CYP4Z1: variants seen among roughly 807,000 people sequenced by gnomAD.
The protein encoded by CYP4Z1 is cytochrome P450 4Z1.
A neutral mutation model predicts 54.2 loss-of-function variants in CYP4Z1; 41 were observed. The ratio of observed to expected loss-of-function variants is 0.76; its 90% CI spans 0.59 to 0.98. CYP4Z1 has a LOEUF of 0.98. CYP4Z1 is among the 50% of genes least tolerant of loss of function. CYP4Z1 has a pLI of 0.00. For missense variants in CYP4Z1, 513 were observed against 599.0 expected, an observed-to-expected ratio of 0.86 and a Z score of 1.50; for synonymous variants, 163 against 206.2, an observed-to-expected ratio of 0.79 and a Z score of 1.79.
In CYP4Z1 at chr1:47,115,603, T is replaced by A. The variant is rs1284651968; in HGVS notation, c.1266+10T>A. 1 of 1,612,556 alleles carries A rather than the reference T, an allele frequency of 6.2e-7. No individual in the cohort carries two copies. Among genetic ancestry groups the A allele is most frequent in the Non-Finnish European group, 8.5e-7 (1 of 1,179,080 alleles). The stretch of plus-strand genomic sequence containing the variant: ...CTGGGAAGACCCTCAGGTATGATTG[T>A]CCCAACTGCACCCAGTGGCATCTAA... On this transcript the variant is annotated intron_variant, in intron 10 of 11. Transcript: ENST00000334194.
At chr1:47,058,160 C>T in the CYP4Z1 span, among the ~76,000 whole-genome samples, 1 of 152,082 alleles carries the variant, frequency 6.6e-6, no homozygotes, top group Non-Finnish European at 1.5e-5. Flanking sequence ...TATTTTCTCT[C>T]TATGAAATAA....
chr1:47,104,514 G>A (rs566781469), intron 8 of CYP4Z1, among the ~76,000 whole-genome samples: 22 of 152,292 alleles, frequency 1.4e-4, no homozygotes, highest in Non-Finnish European at 3.1e-4. Flanking sequence ...CAGGCATGTC[G>A]GACAACCTGC....
intron 9 of CYP4Z1, among the ~76,000 whole-genome samples, chr1:47,106,638 G>A (rs911540178): frequency 6.6e-6 from 1 of 152,116 alleles, no homozygotes; most frequent in Non-Finnish European, 1.5e-5. Context: ...CTTCCCTCAC[G>A]CACACCGGCA....
intron 9 of CYP4Z1, among the ~76,000 whole-genome samples, chr1:47,110,693 A>G (rs991317757): frequency 6.6e-6 from 1 of 152,024 alleles, no homozygotes; most frequent in African/African-American, 2.4e-5. Flanking sequence ...TCTTGGTGAG[A>G]CTTCCAGAAA....
chr1:47,114,562 C>G (rs61165610), intron 9 of CYP4Z1, among the ~76,000 whole-genome samples: 1 of 152,034 alleles, frequency 6.6e-6, no homozygotes, highest in Non-Finnish European at 1.5e-5. Context: ...AAAGGGCTAA[C>G]ATCCAGAATC....
rs562450524 is a variant in CYP4Z1 at position 47,092,570 on chromosome 1, A to G, written c.773-1996A>G. Among the ~76,000 whole-genome samples, 8 of 151,724 alleles carry G rather than the reference A, an allele frequency of 5.3e-5. No homozygotes were observed. The East Asian group carries it at 1.4e-3, about 26-fold the overall frequency. On this transcript the variant is annotated intron_variant, in intron 6 of 11. Transcript: ENST00000334194. ...CATATTAAAAAGTGCTTCCTTTTCC[A>G]TTTATCTTCTGAGTTATTGGGGTTG... is the stretch of plus-strand genomic sequence containing the variant.
chr1:47,118,010 A>C lies in CYP4Z1; in HGVS notation c.*76A>C. 4 of 1,407,632 alleles carry C rather than the reference A, an allele frequency of 2.8e-6. No homozygotes were observed. The highest frequency in any genetic ancestry group is 3.9e-6 in the Non-Finnish European group (4 of 1,029,972). 87.2% of individuals were successfully genotyped at this position (1,407,632 alleles called of 1,614,324 possible). On this transcript the variant is annotated 3_prime_UTR_variant, in exon 12 of 12. Transcript: ENST00000334194. ...AAGAACAAAAGGATAAATATAATAC[A>C]AAATATATGTATATGGTTGTTTGAC...
At chr1:47,068,354 T>C (rs1489532199) in intron 1 of CYP4Z1, among the ~76,000 whole-genome samples, 1 of 152,234 alleles carries the variant, frequency 6.6e-6, no homozygotes, top group Non-Finnish European at 1.5e-5. Flanking sequence ...AGTGTCAGAT[T>C]GGGATTTGAA....
intron 8 of CYP4Z1, 23 bp from the exon 9 acceptor site, chr1:47,106,105 T>C: frequency 6.2e-7 from 1 of 1,602,070 alleles, no homozygotes; most frequent in South Asian, 1.1e-5. Context: ...CTCCTTTTCC[T>C]TTCCTCCTGT....
chr1:47,084,856 A>G lies in CYP4Z1; in HGVS notation c.650A>G (p.Asn217Ser), dbSNP rs1644580205. Residue 217 changes from asparagine (N) to serine (S), a missense_variant, in exon 6 of 12, where the codon AAC becomes AGC. Transcript: ENST00000334194. ...TLDSYLKAVF[N>S]LSKISNQRMN... ...GACTCATACCTGAAAGCAGTGTTCA[A>G]CCTTAGCAAAATCTCCAACCAGCGC... 6.6e-7 allele frequency: 1 copy of G among 1,520,116 alleles called. No homozygotes were observed. Among genetic ancestry groups the G allele is most frequent in the Admixed American group, 2.3e-5 (1 of 44,358 alleles). The allele number at this position is 1,520,116 out of a possible 1,614,324, so 94.2% of individuals were successfully genotyped here.
intron 8 of CYP4Z1, among the ~76,000 whole-genome samples, chr1:47,103,193 T>A (rs1644732315): frequency 6.6e-6 from 1 of 152,032 alleles, no homozygotes; most frequent in African/African-American, 2.4e-5. Context: ...TCCTTTTTTT[T>A]TTAAGAGAGA....
intron 1 of CYP4Z1, among the ~76,000 whole-genome samples, chr1:47,067,901 C>A (rs1644462456): frequency 1.3e-5 from 2 of 152,194 alleles, no homozygotes; most frequent in South Asian, 4.1e-4. Context: ...CTACCCACCT[C>A]ATAAATGACA....
At chr1:47,103,634 G>A (rs61784351) in intron 8 of CYP4Z1, among the ~76,000 whole-genome samples, 8,809 of 88,620 alleles carry the variant, frequency 0.099, 401 homozygotes, top group Middle Eastern at 0.28. Context: ...TGCTCTTGTT[G>A]CCCATGCTGG....
intron 9 of CYP4Z1, among the ~76,000 whole-genome samples, chr1:47,110,662 A>G (rs2742083): frequency 2.2e-4 from 34 of 152,318 alleles, no homozygotes; most frequent in Admixed American, 5.2e-4. Flanking sequence ...CTGAACTTCA[A>G]TGGGCAGTCT....
intron 2 of CYP4Z1, among the ~76,000 whole-genome samples, chr1:47,073,215 T>A (rs1434686311): frequency 9.7e-5 from 12 of 123,156 alleles, no homozygotes; most frequent in Admixed American, 8.0e-4. Context: ...TGCATTTTGC[T>A]TTTTTCACTT....
At chr1:47,058,060 CTT>C in the CYP4Z1 span, among the ~76,000 whole-genome samples, 4 of 151,966 alleles carry the variant, frequency 2.6e-5, no homozygotes, top group Admixed American at 2.0e-4. Context: ...TCAAAAAAAA[CTT>C]TACTTGGTTC....
intron 9 of CYP4Z1, among the ~76,000 whole-genome samples, chr1:47,114,078 G>A (rs1317556754): frequency 1.3e-5 from 2 of 151,820 alleles, no homozygotes; most frequent in Non-Finnish European, 3.0e-5. Context: ...AAACAGCATG[G>A]TACTGGTACC....
chr1:47,092,248 G>A (rs1226566212), intron 6 of CYP4Z1, among the ~76,000 whole-genome samples: 1 of 151,920 alleles, frequency 6.6e-6, no homozygotes, highest in East Asian at 1.9e-4. Flanking sequence ...GACTTTGCAA[G>A]CCTGCAAAGT....
intron 11 of CYP4Z1, 103 bp downstream of exon 11, chr1:47,116,835 C>T (rs1275723894): frequency 7.3e-6 from 6 of 818,814 alleles, no homozygotes; most frequent in Non-Finnish European, 9.6e-6. Context: ...TGCTGTTGCT[C>T]CCCATTATTT....
Sources: allele counts gnomAD v4.1 joint callset (sites outside exome capture counted in the v4.1 genomes callset), GRCh38; gene constraint gnomAD v4.1.1; transcripts MANE v1.5; gene names NCBI Gene and HGNC (gene_info 2026-07-23, HGNC 2026-07-21).